The following POFUT3 variants were observed in gnomAD, a reference collection of about 807,000 sequenced individuals.
The protein encoded by POFUT3 is protein O-fucosyltransferase 3, also known as GDP-fucose protein O-fucosyltransferase 3.
chr8:33,429,019 T>C, the POFUT3 span, among the ~76,000 whole-genome samples: 1 of 152,356 alleles, frequency 6.6e-6, no homozygotes, highest in South Asian at 2.1e-4. Context: ...TGCATGATGC[T>C]AAGTCACAGG....
the POFUT3 span, among the ~76,000 whole-genome samples, chr8:33,470,678 T>C: frequency 6.6e-6 from 1 of 152,176 alleles, no homozygotes; most frequent in Non-Finnish European, 1.5e-5. Context: ...TTAATAAATA[T>C]TGAATAACTG....
the POFUT3 span, among the ~76,000 whole-genome samples, chr8:33,323,622 T>C: frequency 6.6e-6 from 1 of 152,182 alleles, no homozygotes; most frequent in Non-Finnish European, 1.5e-5. Flanking sequence ...GGTTTCACTG[T>C]AGACTTACTC....
chr8:33,315,846 C>T, the POFUT3 span, among the ~76,000 whole-genome samples: 30 of 152,198 alleles, frequency 2.0e-4, no homozygotes, highest in African/African-American at 6.5e-4. Context: ...TTTGATACTG[C>T]CTTCATGACG....
the POFUT3 span, among the ~76,000 whole-genome samples, chr8:33,418,666 G>A: frequency 2.0e-5 from 3 of 152,074 alleles, no homozygotes; most frequent in African/African-American, 7.2e-5. Context: ...AAAACAATAT[G>A]GAGATTTCTT....
the POFUT3 span, among the ~76,000 whole-genome samples, chr8:33,456,691 A>G: frequency 1.3e-5 from 2 of 152,176 alleles, no homozygotes. Context: ...AGAAAAGTTA[A>G]AAGGATAAAT....
chr8:33,335,748 A>T, the POFUT3 span, among the ~76,000 whole-genome samples: 1 of 152,204 alleles, frequency 6.6e-6, no homozygotes, highest in Non-Finnish European at 1.5e-5. Context: ...CTGTATTCTT[A>T]TAGAAAAGTC....
chr8:33,357,094 G>T, the POFUT3 span, among the ~76,000 whole-genome samples: 1 of 152,176 alleles, frequency 6.6e-6, no homozygotes, highest in Admixed American at 6.5e-5. Flanking sequence ...ATAGTTTGAC[G>T]TCAGGTAGCA....
chr8:33,331,842 AT>A, the POFUT3 span, among the ~76,000 whole-genome samples: 1 of 150,438 alleles, frequency 6.6e-6, no homozygotes, highest in Admixed American at 6.6e-5. Context: ...CGCCCGGCTA[AT>A]TTTTTTTGTA....
At chr8:33,397,737 T>C in the POFUT3 span, among the ~76,000 whole-genome samples, 6 of 152,346 alleles carry the variant, frequency 3.9e-5, no homozygotes, top group African/African-American at 1.4e-4. Flanking sequence ...GTTAGTTGGT[T>C]AGTTACTAAA....
the POFUT3 span, chr8:33,455,907 A>AG: frequency 1.2e-5 from 5 of 429,534 alleles, no homozygotes; most frequent in Non-Finnish European, 2.3e-5. Context: ...AAAAAAGAAA[A>AG]AAAAAAAAAA....
At chr8:33,392,645 C>T in the POFUT3 span, among the ~76,000 whole-genome samples, 4 of 151,772 alleles carry the variant, frequency 2.6e-5, no homozygotes, top group Admixed American at 1.3e-4. Context: ...TCTCCTAAGC[C>T]TAGAGCTTCA....
chr8:33,436,835 A>C, the POFUT3 span: 1 of 426,318 alleles, frequency 2.3e-6, no homozygotes, highest in South Asian at 2.6e-5. Context: ...CATGATGCTG[A>C]AGTTTAGGGT....
the POFUT3 span, among the ~76,000 whole-genome samples, chr8:33,431,547 CAAAAAAAAAAAAAAAAAAA>C: frequency 0.089 from 3,119 of 34,988 alleles, 73 homozygotes; most frequent in East Asian, 0.24. Context: ...GACCCTGTCT[CAAAAAAAAAAAAAAAAAAA>C]AAAAAAAAAA....
the POFUT3 span, among the ~76,000 whole-genome samples, chr8:33,322,382 A>G: frequency 1.3e-5 from 2 of 152,136 alleles, no homozygotes; most frequent in South Asian, 4.2e-4. Flanking sequence ...CATGATCTTC[A>G]ATTTGCTGAG....
At chr8:33,380,202 CTA>C in the POFUT3 span, among the ~76,000 whole-genome samples, 32 of 37,650 alleles carry the variant, frequency 8.5e-4, 1 homozygote, top group East Asian at 2.9e-3. Context: ...TATATATATA[CTA>C]TATATATATA....
chr8:33,348,076 G>A, the POFUT3 span, among the ~76,000 whole-genome samples: 1 of 151,698 alleles, frequency 6.6e-6, no homozygotes, highest in African/African-American at 2.4e-5. Context: ...CACTCGGGAG[G>A]CTGAAGCAGG....
At chr8:33,334,152 A>G in the POFUT3 span, among the ~76,000 whole-genome samples, 6 of 152,088 alleles carry the variant, frequency 3.9e-5, no homozygotes, top group East Asian at 7.7e-4. Context: ...GGGGTCCCAT[A>G]CACTAGTGCT....
At chr8:33,434,661 G>A in the POFUT3 span, among the ~76,000 whole-genome samples, 24 of 152,154 alleles carry the variant, frequency 1.6e-4, no homozygotes, top group South Asian at 4.1e-4. Flanking sequence ...ACCAGACCTC[G>A]GCTTTGGGTT....
At chr8:33,355,137 G>A in the POFUT3 span, among the ~76,000 whole-genome samples, 46 of 152,286 alleles carry the variant, frequency 3.0e-4, no homozygotes, top group Admixed American at 1.2e-3. Context: ...TCTTATCAAT[G>A]GGAGTATCTT....
Sources: allele counts gnomAD v4.1 joint callset (sites outside exome capture counted in the v4.1 genomes callset), GRCh38; gene constraint gnomAD v4.1.1; transcripts MANE v1.5; gene names NCBI Gene and HGNC (gene_info 2026-07-23, HGNC 2026-07-21).